Variants in PIK3R1 observed in about 807,000 individuals in gnomAD.
The protein encoded by PIK3R1 is phosphatidylinositol 3-kinase regulatory subunit alpha.
A neutral mutation model predicts 98.0 loss-of-function variants in PIK3R1; 29 were observed. The observed-to-expected ratio is 0.30, with a 90% CI of 0.22 to 0.40. The LOEUF is 0.40. Ranked by LOEUF, PIK3R1 falls within the 10% of genes least tolerant of loss-of-function variation. The pLI is 1.00. For synonymous variants in PIK3R1, 282 were observed against 311.8 expected, an observed-to-expected ratio of 0.90 and a Z score of 1.01; for missense variants, 596 against 872.7, an observed-to-expected ratio of 0.68 and a Z score of 3.99.
At position 68,296,286 on chromosome 5, in the gene PIK3R1, G is replaced by A; in HGVS notation, c.1930G>A (p.Gly644Ser). The change falls in exon 15 of 16, where the codon GGC becomes AGC. Residue 644 changes from glycine (G) to serine (S), a missense_variant. By Grantham distance (56) the Gly-to-Ser change is moderately conservative. Around this residue, in one of 3 missense-constraint regions of PIK3R1, gnomAD observed 207 missense variants for 361.4 expected, o/e 0.57. Transcript: ENST00000521381. ...AENLLRGKRD[G>S]TFLVRESSKQ... ...AAACCTGTTGCGAGGGAAGCGAGAT[G>A]GCACTTTTCTTGTCCGGGAGAGCAG... 1 of 1,614,186 alleles carries A rather than the reference G, an allele frequency of 6.2e-7. No individual in the cohort carries two copies. Among genetic ancestry groups the A allele is most frequent in the Non-Finnish European group, 8.5e-7 (1 of 1,180,010 alleles).
At chr5:68,234,631 C>A (rs1010700874) in intron 2 of PIK3R1, among the ~76,000 whole-genome samples, 1 of 152,194 alleles carries the variant, frequency 6.6e-6, no homozygotes, top group African/African-American at 2.4e-5. Flanking sequence ...GACTTACTGC[C>A]TCATTTGAAC....
intron 4 of PIK3R1, among the ~76,000 whole-genome samples, chr5:68,275,277 A>C (rs540717248): frequency 5.9e-4 from 90 of 152,318 alleles, no homozygotes; most frequent in African/African-American, 2.1e-3. Context: ...AGAACACTCA[A>C]GGTGAAAAGG....
Position 68,226,664 on chromosome 5 carries a change from A to T in PIK3R1, c.-12A>T. The T allele has an allele frequency of 6.2e-7, 1 of 1,604,692 alleles. No homozygotes were observed. Among genetic ancestry groups the T allele is most frequent in the African/African-American group, 1.3e-5 (1 of 74,762 alleles). On this transcript the variant is annotated 5_prime_UTR_variant, in exon 2 of 16. Coordinates refer to ENST00000521381, the MANE Select transcript of PIK3R1 (RefSeq NM_181523.3). ...CCAGGCTCAACTGTTGCATGGTAGC[A>T]GATTTGCAAACATGAGTGCTGAGGG...
chr5:68,279,415 C>T (rs971368314), intron 4 of PIK3R1, among the ~76,000 whole-genome samples, 187 bp from the exon 5 acceptor site: 2 of 152,082 alleles, frequency 1.3e-5, no homozygotes, highest in African/African-American at 4.8e-5. Flanking sequence ...TGTTCTACCC[C>T]AAATGCCCGG....
At chr5:68,280,855 A>C in intron 6 of PIK3R1, 72 bp from the exon 7 acceptor site, 1 of 1,238,784 alleles carries the variant, frequency 8.1e-7, no homozygotes, top group Non-Finnish European at 1.2e-6. Flanking sequence ...ACACACATTC[A>C]CTTGAGTGTA....
At position 68,296,360 on chromosome 5, in the gene PIK3R1, CTT is replaced by C. The variant is rs778488034; in HGVS notation, c.1985+22_1985+23del. On this transcript the variant is annotated intron_variant, in intron 15 of 15. Transcript: ENST00000521381. Reference sequence around the variant, plus strand: ...CTGTAGTGTATGTATCTCCAGCAAACTTTTCTTTACAACATCTCATGAAGAGA... The same window carrying C: ...CTGTAGTGTATGTATCTCCAGCAAACTTCTTTACAACATCTCATGAAGAGA... 4 of 1,584,544 alleles carry C rather than the reference CTT, an allele frequency of 2.5e-6. No individual in the cohort carries two copies. The East Asian group carries it at 6.8e-5, about 27-fold the overall frequency.
chr5:68,275,227 C>T (rs1197183251), intron 4 of PIK3R1, among the ~76,000 whole-genome samples: 3 of 152,206 alleles, frequency 2.0e-5, no homozygotes, highest in Non-Finnish European at 4.4e-5. Flanking sequence ...GCTCTGCCTC[C>T]TGCACTTCCC....
chr5:68,230,021 A>C (rs1166713556), intron 2 of PIK3R1, among the ~76,000 whole-genome samples: 1 of 152,210 alleles, frequency 6.6e-6, no homozygotes, highest in African/African-American at 2.4e-5. Flanking sequence ...AAAAGATGAA[A>C]TCAAGGCTCA....
At chr5:68,279,863 C>G in intron 5 of PIK3R1, 130 bp downstream of exon 5, 1 of 846,144 alleles carries the variant, frequency 1.2e-6, no homozygotes, top group East Asian at 2.6e-5. Flanking sequence ...CCCAACAATA[C>G]CACCTCAAAT....
chr5:68,253,942 G>A (rs1745416016), intron 2 of PIK3R1, among the ~76,000 whole-genome samples: 1 of 149,908 alleles, frequency 6.7e-6, no homozygotes, highest in African/African-American at 2.4e-5. Context: ...TCCAAGAAAA[G>A]AGCTAATAAA....
chr5:68,262,386 T>TATATATATATATATATATATATATA (rs576101819), intron 2 of PIK3R1, among the ~76,000 whole-genome samples: 16 of 138,536 alleles, frequency 1.2e-4, no homozygotes, highest in Admixed American at 2.9e-4. Flanking sequence ...TCTATAATTT[T>TATATATATATATATATATATATATA]TATATATATA....
chr5:68,233,622 T>A (rs1163792840), intron 2 of PIK3R1, among the ~76,000 whole-genome samples: 3 of 152,336 alleles, frequency 2.0e-5, no homozygotes, highest in African/African-American at 7.2e-5. Context: ...ACTATGAAAA[T>A]TCCATGCAGT....
At chr5:68,292,608 G>A in intron 8 of PIK3R1, 1 of 1,454,314 alleles carries the variant, frequency 6.9e-7, no homozygotes, top group Non-Finnish European at 9.1e-7. Context: ...GAGTGAAGTG[G>A]CACTGCCTAA....
rs1367921989 is a variant in PIK3R1, at chr5:68,262,673, ATACATGTATC to A, written c.335-10715_335-10706del. 4.4e-4 allele frequency among the ~76,000 whole-genome samples: 57 copies of A among 128,220 alleles called. 3 individuals carry two copies. Among genetic ancestry groups the A allele is most frequent in the African/African-American group, 1.2e-3 (40 of 32,108 alleles). The allele number at this position is 128,220 out of a possible 152,430, so 84.1% of individuals were successfully genotyped here. A position where few individuals can be genotyped will look rare whatever the true frequency, so the allele number is the denominator to read the frequency against. On this transcript the variant is annotated intron_variant, in intron 2 of 15. Coordinates refer to ENST00000521381, the MANE Select transcript of PIK3R1 (RefSeq NM_181523.3). ...TGTATCTGCATGTATACACATGTAG[ATACATGTATC>A]TGCATGTATACACATGTAGATGCAT...
chr5:68,257,872 C>T (rs1293253005), intron 2 of PIK3R1, among the ~76,000 whole-genome samples: 2 of 152,184 alleles, frequency 1.3e-5, no homozygotes, highest in African/African-American at 2.4e-5. Context: ...TACCTTTTAG[C>T]TATTTATAAT....
At chr5:68,216,937 G>A (rs540438269) in intron 1 of PIK3R1, among the ~76,000 whole-genome samples, 1 of 152,252 alleles carries the variant, frequency 6.6e-6, no homozygotes, top group South Asian at 2.1e-4. Context: ...CAGAATGTGT[G>A]TCAACTGGGT....
chr5:68,226,090 C>T (rs1163656694), intron 1 of PIK3R1, among the ~76,000 whole-genome samples, 200 bp from the exon 2 acceptor site: 2 of 152,124 alleles, frequency 1.3e-5, no homozygotes, highest in Non-Finnish European at 2.9e-5. Flanking sequence ...CATGCCGACA[C>T]TCCTCCCCTC....
intron 7 of PIK3R1, chr5:68,288,819 T>C (rs1048072667): frequency 4.6e-6 from 7 of 1,529,078 alleles, no homozygotes; most frequent in Non-Finnish European, 6.3e-6. Flanking sequence ...TAGTTTGTCT[T>C]GGAGTACGTG....
chr5:68,262,546 C>A (rs1032000944), intron 2 of PIK3R1, among the ~76,000 whole-genome samples: 3 of 140,710 alleles, frequency 2.1e-5, no homozygotes, highest in Non-Finnish European at 3.1e-5. Flanking sequence ...AGATACATAT[C>A]TAATGTATAC....
Sources: allele counts gnomAD v4.1 joint callset (sites outside exome capture counted in the v4.1 genomes callset), GRCh38; gene constraint gnomAD v4.1.1; regional missense constraint gnomAD v4.1.1; transcripts MANE v1.5; gene names NCBI Gene and HGNC (gene_info 2026-07-23, HGNC 2026-07-21).